The following KLRG1 variants were observed in gnomAD, a reference collection of about 807,000 sequenced individuals.
The protein encoded by KLRG1 is killer cell lectin like receptor G1.
KLRG1 carries 16 observed loss-of-function variants against 21.8 expected under a neutral mutation model. That is an observed-to-expected ratio of 0.73 (90% CI 0.50 to 1.11). The LOEUF is 1.11. Among genes scored for constraint, KLRG1 ranks in the 50% most tolerant of loss-of-function variants. KLRG1 has a pLI of 0.00. For synonymous variants in KLRG1, 69 were observed against 75.9 expected (o/e 0.91, Z 0.47); for missense variants, 173 against 218.3 (o/e 0.79, Z 1.31).
At chr12:8,990,007 C>T (rs1005948790) in intron 1 of KLRG1, among the ~76,000 whole-genome samples, 9 of 152,066 alleles carry the variant, frequency 5.9e-5, no homozygotes, top group African/African-American at 7.2e-5. Flanking sequence ...TTAGCTAAAG[C>T]GGGAACTTTG....
chr12:9,165,007 G>C, the KLRG1 span: 5 of 1,100,802 alleles, frequency 4.5e-6, no homozygotes, highest in Non-Finnish European at 5.4e-6. Flanking sequence ...GCTTTGCATA[G>C]CACTAATTAT....
intron 3 of KLRG1, among the ~76,000 whole-genome samples, chr12:8,997,389 G>T (rs1214072002): frequency 6.6e-6 from 1 of 152,100 alleles, no homozygotes; most frequent in African/African-American, 2.4e-5. Flanking sequence ...TGCGTCTGTT[G>T]TTCTAGTGTT....
Position 9,009,522 on chromosome 12 carries a change from G to A in KLRG1, c.555G>A (p.Lys185=), listed in dbSNP as rs748322908. 1.8e-5 allele frequency: 29 copies of A among 1,613,760 alleles called. No homozygotes were observed. The highest frequency in any genetic ancestry group is 2.3e-5 in the Non-Finnish European group (27 of 1,179,888). The stretch of plus-strand genomic sequence containing the variant: ...AAGTTCCTTTACACTGGGTGTGTAA[G>A]AAGGTCAGACTTTGATAGATGACCA... The part of the protein sequence containing the change: ...SCEVPLHWVC[K]KVRL Residue 185 remains lysine (K), a synonymous_variant, in exon 5 of 5, where the codon AAG becomes AAA. Transcript: ENST00000356986.
At chr12:9,170,899 G>C in the KLRG1 span, among the ~76,000 whole-genome samples, 3 of 152,278 alleles carry the variant, frequency 2.0e-5, no homozygotes, top group African/African-American at 7.2e-5. The surrounding 1 kb of genome is among the most constrained non-coding windows in gnomAD (Gnocchi z 4.6). Context: ...TCTGCAGTTT[G>C]GTTGACTCTG....
At chr12:9,201,081 T>G in the KLRG1 span, 1 of 1,612,978 alleles carries the variant, frequency 6.2e-7, no homozygotes, top group Non-Finnish European at 8.5e-7. Context: ...ACAAGAAACA[T>G]GGGCGGTAAT....
At chr12:9,049,243 A>C in the KLRG1 span, among the ~76,000 whole-genome samples, 1 of 152,054 alleles carries the variant, frequency 6.6e-6, no homozygotes, top group Admixed American at 6.6e-5. Context: ...TCTTGGTCAA[A>C]GATTCCTATC....
chr12:9,000,269 G>T (rs1263272745), intron 3 of KLRG1, among the ~76,000 whole-genome samples: 1 of 152,128 alleles, frequency 6.6e-6, no homozygotes, highest in Non-Finnish European at 1.5e-5. Context: ...TACTCTGGAG[G>T]TCTTCACAGT....
chr12:9,118,533 C>T, the KLRG1 span, among the ~76,000 whole-genome samples: 5 of 152,208 alleles, frequency 3.3e-5, no homozygotes, highest in African/African-American at 1.2e-4. Flanking sequence ...CTTGAGTCAT[C>T]AAAAGTCTAC....
At chr12:9,181,003 C>T in the KLRG1 span, 10 of 1,613,912 alleles carry the variant, frequency 6.2e-6, no homozygotes, top group Non-Finnish European at 8.5e-6. Flanking sequence ...GAGAGCTCAG[C>T]CTCAGGCTTC....
the KLRG1 span, among the ~76,000 whole-genome samples, chr12:9,064,094 G>A: frequency 9.1e-4 from 139 of 152,298 alleles, 1 homozygote; most frequent in Non-Finnish European, 2.4e-4. The surrounding 1 kb of genome is among the most constrained non-coding windows in gnomAD (Gnocchi z 4.0). Flanking sequence ...ATTAAGCTCT[G>A]AAATATACTT....
the KLRG1 span, among the ~76,000 whole-genome samples, chr12:9,116,811 A>T: frequency 6.6e-6 from 1 of 152,166 alleles, no homozygotes; most frequent in Admixed American, 6.5e-5. Flanking sequence ...GCACTTAAAG[A>T]TTTTACATTC....
the KLRG1 span, among the ~76,000 whole-genome samples, chr12:9,036,017 G>A: frequency 2.2e-4 from 33 of 152,176 alleles, no homozygotes; most frequent in East Asian, 2.3e-3. Flanking sequence ...GAGAGAGTGA[G>A]GATGGAAAAA....
At chr12:9,118,898 C>T in the KLRG1 span, among the ~76,000 whole-genome samples, 4 of 152,068 alleles carry the variant, frequency 2.6e-5, no homozygotes, top group South Asian at 2.1e-4. Flanking sequence ...ATAATACCCA[C>T]GTAGAAGATG....
chr12:9,172,338 G>A, the KLRG1 span, among the ~76,000 whole-genome samples: 1 of 152,094 alleles, frequency 6.6e-6, no homozygotes, highest in Non-Finnish European at 1.5e-5. Flanking sequence ...AGCTCCTGAA[G>A]AAAGCACTAC....
chr12:9,088,391 C>T, the KLRG1 span, among the ~76,000 whole-genome samples: 6 of 151,950 alleles, frequency 3.9e-5, no homozygotes, highest in East Asian at 9.7e-4. Flanking sequence ...AAATGAGTAA[C>T]TCAGAAACGG....
chr12:9,005,558 C>T (rs1038705696), intron 3 of KLRG1, among the ~76,000 whole-genome samples: 1 of 152,046 alleles, frequency 6.6e-6, no homozygotes, highest in Non-Finnish European at 1.5e-5. Context: ...TCAGAACAGA[C>T]GATACAAGAA....
chr12:9,150,171 A>C, the KLRG1 span, among the ~76,000 whole-genome samples: 2 of 152,240 alleles, frequency 1.3e-5, no homozygotes, highest in Non-Finnish European at 2.9e-5. Flanking sequence ...CTATGTCTCT[A>C]AACTACTTGA....
chr12:8,980,836 T>G (rs1946743383), intron 1 of KLRG1, among the ~76,000 whole-genome samples: 1 of 152,066 alleles, frequency 6.6e-6, no homozygotes, highest in Non-Finnish European at 1.5e-5. Context: ...TTTGTGGCAG[T>G]GGGGATGGCT....
chr12:9,098,671 G>A, the KLRG1 span: 5 of 1,611,574 alleles, frequency 3.1e-6, no homozygotes, highest in Admixed American at 6.7e-5. Context: ...AGCACGGAGG[G>A]CGCAGACGGA....
Sources: allele counts gnomAD v4.1 joint callset (sites outside exome capture counted in the v4.1 genomes callset), GRCh38; gene constraint gnomAD v4.1.1; non-coding constraint Gnocchi (gnomAD v3.1); transcripts MANE v1.5; gene names NCBI Gene and HGNC (gene_info 2026-07-23, HGNC 2026-07-21).